The following SRBD1 variants were observed in gnomAD, a reference collection of about 807,000 sequenced individuals.
SRBD1 encodes the protein S1 RNA binding domain 1.
A neutral mutation model predicts 115.3 loss-of-function variants in SRBD1; 88 were observed. The observed-to-expected ratio is 0.76, with a 90% confidence interval of 0.64 to 0.91. The LOEUF (loss-of-function observed/expected upper bound fraction) is 0.91, where lower values mean the gene tolerates loss of function less well. Ranked by LOEUF, SRBD1 falls within the 40% of genes least tolerant of loss-of-function variation. The pLI is 0.00. For missense variants in SRBD1, 1,385 were observed against 1,177.4 expected, an observed-to-expected ratio of 1.18 and a Z score of -2.58; for synonymous variants, 509 against 407.7, an observed-to-expected ratio of 1.25 and a Z score of -2.99.
intron 9 of SRBD1, among the ~76,000 whole-genome samples, chr2:45,567,534 G>C (rs930047407): frequency 5.3e-5 from 8 of 151,760 alleles, no homozygotes; most frequent in African/African-American, 1.9e-4. Flanking sequence ...CCTTCAGCCC[G>C]CAAGGCGAAA....
intron 14 of SRBD1, among the ~76,000 whole-genome samples, chr2:45,531,809 G>C (rs4953237): frequency 0.29 from 43,620 of 151,330 alleles, 6,897 homozygotes; most frequent in African/African-American, 0.38. Flanking sequence ...TTTTTCCTTT[G>C]TTCTTTCTTC....
At chr2:45,401,662 T>C (rs917924592) in intron 19 of SRBD1, among the ~76,000 whole-genome samples, 1 of 152,214 alleles carries the variant, frequency 6.6e-6, no homozygotes, top group African/African-American at 2.4e-5. Context: ...TTGCAGGAGT[T>C]AGCTGGCATG....
chr2:45,504,217 TC>T (rs72407891), intron 14 of SRBD1, among the ~76,000 whole-genome samples: 24,891 of 152,062 alleles, frequency 0.16, 2,787 homozygotes, highest in African/African-American at 0.31. Flanking sequence ...TGTTGGCCAA[TC>T]CTTCATTCTC....
intron 14 of SRBD1, among the ~76,000 whole-genome samples, chr2:45,536,199 A>G (rs1274852293): frequency 1.3e-5 from 2 of 152,094 alleles, no homozygotes; most frequent in African/African-American, 4.8e-5. Context: ...ACTAGTTACT[A>G]GTAGACACCA....
chr2:45,524,056 T>C (rs1427367098), intron 14 of SRBD1, among the ~76,000 whole-genome samples: 1 of 151,836 alleles, frequency 6.6e-6, no homozygotes, highest in African/African-American at 2.4e-5. Context: ...AAAAACAAAA[T>C]TCATATGATC....
intron 11 of SRBD1, 70 bp downstream of exon 11, chr2:45,553,553 C>T (rs769429349): frequency 2.1e-6 from 2 of 957,532 alleles, no homozygotes; most frequent in East Asian, 2.8e-5. Flanking sequence ...ACATTAGCTA[C>T]ACACTGTAAT....
intron 10 of SRBD1, among the ~76,000 whole-genome samples, chr2:45,557,453 C>A (rs998381332): frequency 6.6e-6 from 1 of 152,188 alleles, no homozygotes; most frequent in African/African-American, 2.4e-5. Context: ...TAGTCTTCTT[C>A]AAGTCTCAAG....
chr2:45,487,547 T>C (rs998398846), intron 15 of SRBD1, among the ~76,000 whole-genome samples: 21 of 152,214 alleles, frequency 1.4e-4, no homozygotes, highest in Non-Finnish European at 2.4e-4. Context: ...CATAAATTTG[T>C]ATTACAAATA....
chr2:45,469,692 G>C (rs1669590584), intron 16 of SRBD1, among the ~76,000 whole-genome samples: 1 of 152,262 alleles, frequency 6.6e-6, no homozygotes, highest in Non-Finnish European at 1.5e-5. Context: ...GAAATTTAAG[G>C]AATAAATAGC....
chr2:45,571,527 A>AAAAAAAAAAACAAAAAAAAC (rs1673013911), intron 9 of SRBD1, among the ~76,000 whole-genome samples: 2 of 148,834 alleles, frequency 1.3e-5, no homozygotes, highest in African/African-American at 4.9e-5. Flanking sequence ...CAAAAAAAAA[A>AAAAAAAAAAACAAAAAAAAC]AAAAAAAAAA....
intron 2 of SRBD1, 97 bp from the exon 3 acceptor site, chr2:45,602,180 G>A: frequency 7.2e-7 from 1 of 1,384,866 alleles, no homozygotes; most frequent in Middle Eastern, 2.0e-4. Flanking sequence ...GATAAAGTAG[G>A]AGGTGTTTAA....
chr2:45,542,768 T>C (rs1000309705), intron 14 of SRBD1, among the ~76,000 whole-genome samples: 10 of 152,228 alleles, frequency 6.6e-5, no homozygotes, highest in East Asian at 1.9e-4. Flanking sequence ...TGCTGCTTTA[T>C]TGGTAGTAGC....
chr2:45,492,629 CGG>C (rs1310179933), intron 14 of SRBD1, among the ~76,000 whole-genome samples: 1 of 152,070 alleles, frequency 6.6e-6, no homozygotes, highest in Non-Finnish European at 1.5e-5. Context: ...GTAGTAGAGA[CGG>C]GGTTTCACCA....
chr2:45,492,057 G>A (rs1248409890), intron 14 of SRBD1, among the ~76,000 whole-genome samples: 1 of 152,116 alleles, frequency 6.6e-6, no homozygotes, highest in Non-Finnish European at 1.5e-5. Context: ...CCAACCTCGG[G>A]TGATCCACCT....
intron 4 of SRBD1, among the ~76,000 whole-genome samples, chr2:45,598,410 C>G (rs371286574): frequency 6.6e-6 from 1 of 151,788 alleles, no homozygotes; most frequent in African/African-American, 2.4e-5. Flanking sequence ...GCAGGCAGAT[C>G]GAGACCATCC....
chr2:45,576,575 T>G (rs985320524), intron 7 of SRBD1, among the ~76,000 whole-genome samples: 6 of 152,226 alleles, frequency 3.9e-5, no homozygotes, highest in Admixed American at 6.5e-5. Context: ...TGAGGGAATT[T>G]TCAGTAACAA....
intron 19 of SRBD1, 100 bp downstream of exon 19, chr2:45,413,014 C>T (rs1418862598): frequency 4.5e-6 from 6 of 1,331,326 alleles, no homozygotes; most frequent in South Asian, 1.5e-5. Context: ...TCACATTAAA[C>T]GGTCATATTT....
At chr2:45,429,426 C>T (rs568081754) in intron 16 of SRBD1, among the ~76,000 whole-genome samples, 29 of 151,106 alleles carry the variant, frequency 1.9e-4, no homozygotes, top group Admixed American at 3.3e-4. Context: ...TCCAACAGTA[C>T]ATCAAAAAGC....
At chr2:45,465,491 A>G (rs1202368050) in intron 16 of SRBD1, among the ~76,000 whole-genome samples, 8 of 152,180 alleles carry the variant, frequency 5.3e-5, no homozygotes, top group Non-Finnish European at 1.2e-4. Flanking sequence ...GACTGCAAGA[A>G]AACACCATGG....
Sources: allele counts gnomAD v4.1 joint callset (sites outside exome capture counted in the v4.1 genomes callset), GRCh38; gene constraint gnomAD v4.1.1; transcripts MANE v1.5; gene names NCBI Gene and HGNC (gene_info 2026-07-23, HGNC 2026-07-21).